AKAP9: variants seen among roughly 807,000 people sequenced by gnomAD.
AKAP9 encodes the protein A-kinase anchor protein 9.
A neutral mutation model predicts 488.5 loss-of-function variants in AKAP9; 311 were observed. The ratio of observed to expected loss-of-function variants is 0.64; its 90% confidence interval spans 0.58 to 0.70. The LOEUF (loss-of-function observed/expected upper bound fraction) is 0.70. AKAP9 is among the 30% of genes least tolerant of loss of function. The probability of loss-of-function intolerance (pLI) is 0.00; values close to 1 mark genes in which losing one functional copy is unlikely to be tolerated. For missense variants in AKAP9, 4,215 were observed against 4,374.5 expected, an observed-to-expected ratio of 0.96 and a Z score of 1.03; for synonymous variants, 1,462 against 1,483.5, an observed-to-expected ratio of 0.99 and a Z score of 0.33.
chr7:92,024,730 T>C (rs1374277113), intron 14 of AKAP9, among the ~76,000 whole-genome samples: 1 of 152,200 alleles, frequency 6.6e-6, no homozygotes, highest in African/African-American at 2.4e-5. Context: ...TTCTTCTAAC[T>C]GTGGCTGGCT....
At chr7:92,005,065 A>T (rs569440021) in intron 8 of AKAP9, among the ~76,000 whole-genome samples, 1 of 152,246 alleles carries the variant, frequency 6.6e-6, no homozygotes, top group African/African-American at 2.4e-5. Context: ...TTCTGCATCT[A>T]TTGAGATAAT....
chr7:92,084,555 A>G, intron 33 of AKAP9, 85 bp from the exon 34 acceptor site: 1 of 980,958 alleles, frequency 1.0e-6, no homozygotes, highest in Admixed American at 2.0e-5. Flanking sequence ...GATTGATTAC[A>G]GCACGGGAAA....
Position 92,073,881 on chromosome 7 carries a change from A to T in AKAP9, c.6612+2872A>T, listed in dbSNP as rs184862708. Among the ~76,000 whole-genome samples, 11 of 152,256 alleles carry T rather than the reference A, an allele frequency of 7.2e-5. No homozygotes were observed. In the East Asian group the frequency reaches 7.7e-4, roughly 11 times the overall value. ...AGTCTTACACAAAAATTAACTCAAGATGGATTAAAGACTAAGACCTAAAAC... is the reference window on the plus strand; with the variant it reads ...AGTCTTACACAAAAATTAACTCAAGTTGGATTAAAGACTAAGACCTAAAAC... On this transcript the variant is annotated intron_variant, in intron 28 of 49. Transcript: ENST00000356239.
At chr7:92,110,015 A>T (rs970076084) in intron 49 of AKAP9, 107 bp from the exon 50 acceptor site, 53 of 890,280 alleles carry the variant, frequency 6.0e-5, no homozygotes, top group Non-Finnish European at 8.7e-5. Flanking sequence ...AAAGGGCTTT[A>T]AAAAAATGGA....
intron 2 of AKAP9, among the ~76,000 whole-genome samples, chr7:91,975,924 TG>T (rs869215315): frequency 0.1 from 6,961 of 67,960 alleles, 433 homozygotes; most frequent in African/African-American, 0.24. Flanking sequence ...TTTGTTTGTT[TG>T]TTTTTTTTTT....
intron 1 of AKAP9, among the ~76,000 whole-genome samples, chr7:91,966,212 C>T (rs1224543145): frequency 2.0e-5 from 3 of 152,036 alleles, no homozygotes; most frequent in Non-Finnish European, 2.9e-5. Flanking sequence ...AGCCTGGTTC[C>T]ATTTGTCTGT....
rs763859002 is a variant in AKAP9, at chr7:92,096,684, A to T, written c.9730-5A>T. ...AAGTTCTTAAATTTGATTTTCTCGT[A>T]CCAGGATCTGAAGTTTTCACTTGAG... is the stretch of plus-strand genomic sequence containing the variant. On this transcript the variant is annotated splice_polypyrimidine_tract_variant and splice_region_variant and intron_variant, in intron 40 of 49. Coordinates refer to ENST00000356239, the MANE Select transcript of AKAP9 (RefSeq NM_005751.5). 1 of 1,613,802 alleles carries T rather than the reference A, an allele frequency of 6.2e-7. No individual in the cohort carries two copies. The highest frequency in any genetic ancestry group is 8.5e-7 in the Non-Finnish European group (1 of 1,180,000).
intron 13 of AKAP9, 52 bp downstream of exon 13, chr7:92,022,404 T>A: frequency 7.7e-7 from 1 of 1,302,504 alleles, no homozygotes; most frequent in Non-Finnish European, 1.1e-6. Context: ...AAATATTGAG[T>A]AATTTGCTTT....
chr7:92,084,699 C>T lies in AKAP9; in HGVS notation c.8706C>T (p.Ser2902=). The change falls in exon 34 of 50, where the codon TCC becomes TCT. Residue 2902 remains serine (S), a synonymous_variant. Transcript: ENST00000356239. The stretch of plus-strand genomic sequence containing the variant: ...CTTACCAGACTAGAGAAATATGCTC[C>T]AGTGGTAAGTTATATAAATATTTGT... The part of the protein sequence containing the change: ...SDAYQTREIC[S]SDSGSDWGQG... The T allele has an allele frequency of 6.2e-7, 1 of 1,609,466 alleles. No homozygotes were observed. The highest frequency in any genetic ancestry group is 2.2e-5 in the East Asian group (1 of 44,774).
intron 3 of AKAP9, among the ~76,000 whole-genome samples, chr7:91,989,047 G>T (rs995924653): frequency 6.6e-6 from 1 of 152,100 alleles, no homozygotes; most frequent in Non-Finnish European, 1.5e-5. Context: ...TACATTAGAC[G>T]TTCAGCAAAG....
intron 44 of AKAP9, among the ~76,000 whole-genome samples, chr7:92,100,511 T>G (rs375763324): frequency 2.0e-5 from 3 of 152,230 alleles, no homozygotes; most frequent in African/African-American, 7.2e-5. Context: ...TGGCTTGTTT[T>G]TTTCCCACTT....
At chr7:91,981,592 AT>A (rs1322510775) in intron 3 of AKAP9, among the ~76,000 whole-genome samples, 1 of 142,446 alleles carries the variant, frequency 7.0e-6, no homozygotes, top group Non-Finnish European at 1.5e-5. Context: ...TAATTTTTAT[AT>A]CTTGTATTTC....
chr7:92,071,523 T>G (rs1283379890), intron 28 of AKAP9, among the ~76,000 whole-genome samples: 2 of 152,064 alleles, frequency 1.3e-5, no homozygotes, highest in Non-Finnish European at 2.9e-5. Flanking sequence ...TATAAAGTTC[T>G]CCTTTGTTTC....
Position 92,079,787 on chromosome 7 carries a change from G to A in AKAP9, c.7654G>A (p.Ala2552Thr), listed in dbSNP as rs774720167. Residue 2552 changes from alanine (A) to threonine (T), a missense_variant, in exon 31 of 50, where the codon GCT (alanine) becomes ACT (threonine). Physicochemically the swap from Ala to Thr is moderately conservative, Grantham distance 58. Coordinates refer to ENST00000356239, the MANE Select transcript of AKAP9 (RefSeq NM_005751.5). ...NLQKIVEEKVAAALVSQIQLE... is the reference protein window; with the variant it reads ...NLQKIVEEKVTAALVSQIQLE... ...ACAGAAAATAGTTGAAGAAAAAGTGGCTGCTGCTCTTGTCAGTCAAATCCA... is the reference window on the plus strand; with the variant it reads ...ACAGAAAATAGTTGAAGAAAAAGTGACTGCTGCTCTTGTCAGTCAAATCCA... 2 of 1,613,958 alleles carry A rather than the reference G, an allele frequency of 1.2e-6. No individual in the cohort carries two copies. Among genetic ancestry groups the A allele is most frequent in the African/African-American group, 2.7e-5 (2 of 74,932 alleles).
intron 3 of AKAP9, among the ~76,000 whole-genome samples, chr7:91,989,474 T>G (rs61047933): frequency 0.034 from 5,250 of 152,196 alleles, 267 homozygotes; most frequent in African/African-American, 0.11. Flanking sequence ...ATGAATTGTT[T>G]TTGATACCCT....
chr7:92,047,234 T>G (rs987953207), intron 21 of AKAP9, among the ~76,000 whole-genome samples: 1 of 152,110 alleles, frequency 6.6e-6, no homozygotes, highest in Non-Finnish European at 1.5e-5. Flanking sequence ...CTTTTTTTTT[T>G]CCTTTTGAGT....
chr7:92,004,042 TAAATG>T (rs1799497948), intron 8 of AKAP9, among the ~76,000 whole-genome samples: 1 of 152,200 alleles, frequency 6.6e-6, no homozygotes, highest in African/African-American at 2.4e-5. Context: ...AGGCAGATGA[TAAATG>T]AAACAAGTAG....
At chr7:91,961,815 G>A (rs1164128499) in intron 1 of AKAP9, among the ~76,000 whole-genome samples, 1 of 151,840 alleles carries the variant, frequency 6.6e-6, no homozygotes, top group Non-Finnish European at 1.5e-5. Flanking sequence ...CTGCACTCCA[G>A]CCTGGGCAAC....
intron 3 of AKAP9, among the ~76,000 whole-genome samples, chr7:91,983,748 C>T (rs1796724731): frequency 6.6e-6 from 1 of 152,188 alleles, no homozygotes; most frequent in African/African-American, 2.4e-5. Context: ...GTTTACACTC[C>T]CACAAACAGT....
Sources: gnomAD v4.1 joint callset for allele counts (sites outside exome capture counted in the v4.1 genomes callset) on GRCh38, gnomAD v4.1.1 for gene constraint, MANE v1.5 for transcripts, NCBI Gene and HGNC (gene_info 2026-07-23, HGNC 2026-07-21) for gene names.